The following ALMS1 variants were observed in gnomAD, a reference collection of about 807,000 sequenced individuals.
ALMS1 encodes the protein centrosome-associated protein ALMS1.
In ALMS1, 271 loss-of-function variants were observed where a neutral mutation model predicts 352.2. The observed-to-expected ratio is 0.77, with a 90% CI of 0.70 to 0.85. The LOEUF is 0.85. Among genes scored for constraint, ALMS1 ranks in the 40% least tolerant of loss-of-function variants. The probability of loss-of-function intolerance (pLI) is 0.00; values close to 1 mark genes in which losing one functional copy is unlikely to be tolerated. For missense variants in ALMS1, 5,445 were observed against 4,870.7 expected, an observed-to-expected ratio of 1.12 and a Z score of -3.51; for synonymous variants, 1,865 against 1,761.2, an observed-to-expected ratio of 1.06 and a Z score of -1.48.
At chr2:73,488,625 G>A (rs1225589928) in intron 9 of ALMS1, among the ~76,000 whole-genome samples, 2 of 152,200 alleles carry the variant, frequency 1.3e-5, no homozygotes, top group Non-Finnish European at 2.9e-5. Context: ...AGCCCTAGCT[G>A]TTCCTTCCCC....
Position 73,450,682 on chromosome 2 carries a change from A to G in ALMS1, c.4155A>G (p.Thr1385=). 6.2e-7 allele frequency: 1 copy of G among 1,612,796 alleles called. No homozygotes were observed. Among genetic ancestry groups the G allele is most frequent in the Admixed American group, 1.7e-5 (1 of 59,872 alleles). ...CCTCTACTTCTTACTCACAACATACAGAGAAGCCGAGTATTTTCTACCAAC... is the reference window on the plus strand; with the variant it reads ...CCTCTACTTCTTACTCACAACATACGGAGAAGCCGAGTATTTTCTACCAAC... ...TVTSTSYSQH[T]EKPSIFYQQS... is the part of the protein sequence containing the mutation. Residue 1385 remains threonine, a synonymous_variant, in exon 8 of 23, where the codon ACA becomes ACG. Coordinates refer to ENST00000613296, the MANE Select transcript of ALMS1 (RefSeq NM_001378454.1).
intron 1 of ALMS1, 135 bp downstream of exon 1, chr2:73,386,327 G>C (rs879809186): frequency 7.9e-7 from 1 of 1,263,108 alleles, no homozygotes; most frequent in East Asian, 2.9e-5. Flanking sequence ...AGGCGGCCCA[G>C]ACTCCAGCCC....
At position 73,480,473 on chromosome 2, in the gene ALMS1, A is replaced by C. The variant is rs201015291; in HGVS notation, c.7675-9161A>C. Among the ~76,000 whole-genome samples the C allele has an allele frequency of 1.1e-4, 17 of 152,294 alleles. No homozygotes were observed. In the East Asian group the frequency reaches 1.4e-3, roughly 12 times the overall value. ...GCCACATTTTCTTAATCCAGTCTAT[A>C]ATTCTTGGACATTTGGATTGGTTCC... On this transcript the variant is annotated intron_variant, in intron 9 of 22. Transcript: ENST00000613296.
chr2:73,440,595 T>C (rs1448066626), intron 7 of ALMS1, among the ~76,000 whole-genome samples: 1 of 151,628 alleles, frequency 6.6e-6, no homozygotes, highest in Non-Finnish European at 1.5e-5. Context: ...AGCTAATTTT[T>C]TGTATTTTTA....
At chr2:73,416,830 T>C (rs1229963314) in intron 2 of ALMS1, among the ~76,000 whole-genome samples, 1 of 152,116 alleles carries the variant, frequency 6.6e-6, no homozygotes, top group Non-Finnish European at 1.5e-5. Context: ...ACATAAAGAC[T>C]CAAAAACTTG....
chr2:73,443,793 G>T (rs1382500857), intron 7 of ALMS1, among the ~76,000 whole-genome samples: 1 of 152,082 alleles, frequency 6.6e-6, no homozygotes, highest in African/African-American at 2.4e-5. Context: ...TTGTATTTTG[G>T]CAGGGATCAG....
In ALMS1 at chr2:73,402,051, A is replaced by T. The variant is rs76691286; in HGVS notation, c.325-6571A>T. Among the ~76,000 whole-genome samples the T allele has an allele frequency of 4.3e-3, 363 of 84,952 alleles. 5 individuals are homozygous for T. The highest frequency in any genetic ancestry group is 0.019 in the African/African-American group (318 of 16,686). 55.7% of individuals were successfully genotyped at this position (84,952 alleles called of 152,430 possible). A position where few individuals can be genotyped will look rare whatever the true frequency, so the allele number is the denominator to read the frequency against. ...TGTGTGTTATGTGTGTGTGTGTGTG[A>T]GTGTGAGTGTATGTGTGTGTGTCTT... On this transcript the variant is annotated intron_variant, in intron 1 of 22. Transcript: ENST00000613296.
intron 16 of ALMS1, among the ~76,000 whole-genome samples, chr2:73,593,827 A>G (rs1675484793): frequency 6.6e-6 from 1 of 152,230 alleles, no homozygotes; most frequent in Admixed American, 6.5e-5. Context: ...TGGACCTTTC[A>G]TATAAATGGA....
chr2:73,489,754 A>G lies in ALMS1; in HGVS notation c.7795A>G (p.Arg2599Gly). 6.2e-7 allele frequency: 1 copy of G among 1,614,156 alleles called. No individual in the cohort carries two copies. Among genetic ancestry groups the G allele is most frequent in the Non-Finnish European group, 8.5e-7 (1 of 1,180,028 alleles). ...AACTTCTGAACATCCACAACTAGAT[A>G]GACACCCTTGTGCTTTCAGATCTGC... ...TLTSEHPQLD[R>G]HPCAFRSAGP... The change falls in exon 10 of 23, where the codon AGA becomes GGA. Residue 2599 changes from arginine to glycine, a missense_variant. Arg to Gly is a moderately radical substitution (Grantham distance 125). Coordinates refer to ENST00000613296, the MANE Select transcript of ALMS1 (RefSeq NM_001378454.1).
chr2:73,467,249 A>G (rs1430073092), intron 9 of ALMS1, among the ~76,000 whole-genome samples: 1 of 152,168 alleles, frequency 6.6e-6, no homozygotes, highest in Admixed American at 6.6e-5. Context: ...TTGATAAAGG[A>G]CATAAATTCA....
chr2:73,453,843 T>C lies in ALMS1; in HGVS notation c.7316T>C (p.Val2439Ala). 6.2e-7 allele frequency: 1 copy of C among 1,614,150 alleles called. No homozygotes were observed. Among genetic ancestry groups the C allele is most frequent in the East Asian group, 2.2e-5 (1 of 44,886 alleles). ...DSNLPESLES[V>A]SDVLLNFFPY... Reference sequence around the variant, plus strand: ...AATTTACCAGAGTCTTTGGAATCAGTTTCTGATGTTCTTCTAAACTTCTTT... The same window carrying C: ...AATTTACCAGAGTCTTTGGAATCAGCTTCTGATGTTCTTCTAAACTTCTTT... The change falls in exon 8 of 23, where the codon GTT becomes GCT. Residue 2439 changes from valine to alanine, a missense_variant. Val to Ala is a moderately conservative substitution (Grantham distance 64). Transcript: ENST00000613296.
At chr2:73,436,002 G>A (rs1671598231) in intron 7 of ALMS1, among the ~76,000 whole-genome samples, 1 of 152,140 alleles carries the variant, frequency 6.6e-6, no homozygotes, top group Non-Finnish European at 1.5e-5. Context: ...TATTTGTTTT[G>A]TTATGAAAAT....
In ALMS1 at chr2:73,519,876, T is replaced by C; in HGVS notation, c.9641T>C (p.Phe3214Ser). ...ITTESPEKTL[F>S]SSEIFINAED... Reference sequence around the variant, plus strand: ...ACAGAAAGTCCAGAAAAGACCCTATTTTCATCTGAGATTTTTATTAATGCT... The same window carrying C: ...ACAGAAAGTCCAGAAAAGACCCTATCTTCATCTGAGATTTTTATTAATGCT... The change falls in exon 11 of 23, where the codon TTT becomes TCT. Residue 3214 changes from phenylalanine (F) to serine (S), a missense_variant. Coordinates refer to ENST00000613296, the MANE Select transcript of ALMS1 (RefSeq NM_001378454.1). 3 of 1,614,072 alleles carry C rather than the reference T, an allele frequency of 1.9e-6. No homozygotes were observed. Among genetic ancestry groups the C allele is most frequent in the Non-Finnish European group, 2.5e-6 (3 of 1,179,964 alleles).
chr2:73,394,992 A>ATATATATATG (rs1670724263), intron 1 of ALMS1, among the ~76,000 whole-genome samples: 1 of 122,036 alleles, frequency 8.2e-6, no homozygotes, highest in African/African-American at 3.7e-5. Context: ...ATATATGTGT[A>ATATATATATG]TATATATATG....
intron 9 of ALMS1, among the ~76,000 whole-genome samples, chr2:73,461,701 A>G (rs1388930311): frequency 1.3e-5 from 2 of 152,160 alleles, no homozygotes; most frequent in African/African-American, 4.8e-5. Context: ...GAAGTTAAAA[A>G]CTTTCAAAAA....
At chr2:73,511,103 T>C (rs1250382023) in intron 10 of ALMS1, among the ~76,000 whole-genome samples, 1 of 152,190 alleles carries the variant, frequency 6.6e-6, no homozygotes, top group Non-Finnish European at 1.5e-5. Context: ...TTCAGGCCAG[T>C]CGATCTTAGC....
At chr2:73,386,618 G>A (rs908489113) in intron 1 of ALMS1, among the ~76,000 whole-genome samples, 6 of 152,226 alleles carry the variant, frequency 3.9e-5, no homozygotes, top group Non-Finnish European at 8.8e-5. Flanking sequence ...AGGGAGTAAT[G>A]TGGATAATGT....
At chr2:73,504,319 A>G (rs186909519) in intron 10 of ALMS1, among the ~76,000 whole-genome samples, 2 of 152,324 alleles carry the variant, frequency 1.3e-5, no homozygotes, top group Non-Finnish European at 2.9e-5. Flanking sequence ...ACACATGTAT[A>G]GCTTTATGTA....
chr2:73,493,131 C>A (rs13398956), intron 10 of ALMS1, among the ~76,000 whole-genome samples: 45,897 of 151,830 alleles, frequency 0.3, 8,511 homozygotes, highest in African/African-American at 0.53. Flanking sequence ...TATGAACTAA[C>A]AATAATGCCA....
Sources: gnomAD v4.1 joint callset for allele counts (sites outside exome capture counted in the v4.1 genomes callset) on GRCh38, gnomAD v4.1.1 for gene constraint, MANE v1.5 for transcripts, NCBI Gene and HGNC (gene_info 2026-07-23, HGNC 2026-07-21) for gene names.